GRXCR1: variants seen among roughly 807,000 people sequenced by gnomAD.
GRXCR1 encodes the protein glutaredoxin and cysteine rich domain containing 1.
A neutral mutation model predicts 27.3 loss-of-function variants in GRXCR1; 27 were observed. The ratio of observed to expected loss-of-function variants is 0.99; its 90% CI spans 0.73 to 1.37. The LOEUF (loss-of-function observed/expected upper bound fraction) is 1.37. Ranked by LOEUF, GRXCR1 falls within the 40% of genes most tolerant of loss-of-function variation. The pLI is 0.00. For synonymous variants in GRXCR1, 122 were observed against 131.1 expected (o/e 0.93, Z 0.47); for missense variants, 379 against 354.4 (o/e 1.07, Z -0.56).
intron 2 of GRXCR1, among the ~76,000 whole-genome samples, chr4:42,975,563 T>C (rs969249738): frequency 5.9e-5 from 9 of 152,244 alleles, no homozygotes; most frequent in African/African-American, 1.7e-4. Context: ...TCTTCCAGCA[T>C]ATGTAATTAT....
At chr4:42,966,818 C>G (rs1429229829) in intron 2 of GRXCR1, among the ~76,000 whole-genome samples, 1 of 152,010 alleles carries the variant, frequency 6.6e-6, no homozygotes, top group East Asian at 1.9e-4. Flanking sequence ...TTTTAATATG[C>G]TTATTGGTCA....
At chr4:42,953,645 G>A (rs1281678785) in intron 1 of GRXCR1, among the ~76,000 whole-genome samples, 1 of 152,086 alleles carries the variant, frequency 6.6e-6, no homozygotes, top group Non-Finnish European at 1.5e-5. Flanking sequence ...TTTTAGAAAA[G>A]AGCAATTTAC....
At position 42,934,418 on chromosome 4, in the gene GRXCR1, CAG is replaced by C. The variant is rs1017646793; in HGVS notation, c.385-28471_385-28470del. ...CCTCTGCACCACACACACACACTCA[CAG>C]AGTTTCTCTCTCTTCTTTTATGCTT... On this transcript the variant is annotated intron_variant, in intron 1 of 3. Coordinates refer to ENST00000399770, the MANE Select transcript of GRXCR1 (RefSeq NM_001080476.3). Among the ~76,000 whole-genome samples, 13 of 151,882 alleles carry C rather than the reference CAG, an allele frequency of 8.6e-5. No homozygotes were observed. In the South Asian group the frequency reaches 2.3e-3, roughly 27 times the overall value.
intron 1 of GRXCR1, among the ~76,000 whole-genome samples, chr4:42,933,900 T>G (rs910751087): frequency 5.9e-5 from 9 of 151,778 alleles, no homozygotes; most frequent in African/African-American, 1.9e-4. Context: ...GCTGATGTTC[T>G]GAAGATGGAC....
At chr4:42,932,609 TATATATATATAGAGAG>T (rs1418358896) in intron 1 of GRXCR1, among the ~76,000 whole-genome samples, 42 of 51,156 alleles carry the variant, frequency 8.2e-4, no homozygotes, top group East Asian at 1.7e-3. Context: ...TATATATATA[TATATATATATAGAGAG>T]AGAGAGAGAG....
At chr4:43,007,850 A>G (rs556016854) in intron 2 of GRXCR1, among the ~76,000 whole-genome samples, 1 of 152,360 alleles carries the variant, frequency 6.6e-6, no homozygotes, top group East Asian at 1.9e-4. Flanking sequence ...CCTCATTCTA[A>G]TAAATGTCTT....
chr4:42,897,848 A>G (rs1219729835), intron 1 of GRXCR1, among the ~76,000 whole-genome samples: 1 of 151,802 alleles, frequency 6.6e-6, no homozygotes, highest in African/African-American at 2.4e-5. Context: ...TTTGCATTTT[A>G]CACAGGGATT....
intron 1 of GRXCR1, among the ~76,000 whole-genome samples, chr4:42,930,705 A>G (rs1357822844): frequency 1.3e-5 from 2 of 152,024 alleles, no homozygotes; most frequent in Admixed American, 1.3e-4. Context: ...ACCACAGATA[A>G]GTGAATTATT....
At chr4:43,004,438 A>G (rs1159652537) in intron 2 of GRXCR1, among the ~76,000 whole-genome samples, 1 of 152,182 alleles carries the variant, frequency 6.6e-6, no homozygotes, top group Non-Finnish European at 1.5e-5. Context: ...GTAGAAGGCC[A>G]CCATCTTCCA....
At chr4:42,963,392 T>C (rs1170417406) in intron 2 of GRXCR1, among the ~76,000 whole-genome samples, 1 of 152,000 alleles carries the variant, frequency 6.6e-6, no homozygotes, top group East Asian at 1.9e-4. Context: ...AAATATTCAG[T>C]TAACTTCAGT....
intron 1 of GRXCR1, among the ~76,000 whole-genome samples, chr4:42,940,512 G>A (rs976786399): frequency 6.6e-6 from 1 of 151,964 alleles, no homozygotes; most frequent in Admixed American, 6.6e-5. Flanking sequence ...AACAAAAAAT[G>A]CAAATTATTA....
chr4:42,948,470 C>T (rs1747799514), intron 1 of GRXCR1, among the ~76,000 whole-genome samples: 1 of 152,018 alleles, frequency 6.6e-6, no homozygotes, highest in African/African-American at 2.4e-5. Flanking sequence ...TTAGAATTAC[C>T]ATCAGATTGT....
chr4:43,018,303 G>A (rs1031096873), intron 2 of GRXCR1, among the ~76,000 whole-genome samples: 1 of 152,116 alleles, frequency 6.6e-6, no homozygotes, highest in Non-Finnish European at 1.5e-5. Context: ...GAGGGAAGTA[G>A]GTATTCAGCT....
intron 2 of GRXCR1, among the ~76,000 whole-genome samples, chr4:43,012,380 A>G (rs1181030643): frequency 1.3e-5 from 2 of 152,180 alleles, no homozygotes; most frequent in African/African-American, 2.4e-5. Flanking sequence ...ATTAAGCCCA[A>G]CTACTCCATT....
intron 1 of GRXCR1, among the ~76,000 whole-genome samples, chr4:42,921,634 A>C (rs936530687): frequency 6.6e-6 from 1 of 152,040 alleles, no homozygotes; most frequent in African/African-American, 2.4e-5. Context: ...GTGAGATTTA[A>C]AAAATGGATG....
intron 3 of GRXCR1, among the ~76,000 whole-genome samples, chr4:43,028,562 T>C (rs895942332): frequency 4.6e-5 from 7 of 152,194 alleles, no homozygotes; most frequent in African/African-American, 1.7e-4. Flanking sequence ...TTTTAGCATA[T>C]TTAATGTCAT....
intron 1 of GRXCR1, among the ~76,000 whole-genome samples, chr4:42,920,228 G>A (rs1167768578): frequency 6.6e-6 from 1 of 152,116 alleles, no homozygotes; most frequent in Non-Finnish European, 1.5e-5. Flanking sequence ...TGAAGGAAGA[G>A]GGATGAGCAG....
At chr4:42,974,802 T>TTCC (rs2109781404) in intron 2 of GRXCR1, among the ~76,000 whole-genome samples, 1 of 152,246 alleles carries the variant, frequency 6.6e-6, no homozygotes, top group East Asian at 1.9e-4. Flanking sequence ...CACATTAGTG[T>TTCC]TCCTGTCCAT....
At chr4:43,022,307 T>G (rs931488447) in intron 3 of GRXCR1, among the ~76,000 whole-genome samples, 1 of 152,196 alleles carries the variant, frequency 6.6e-6, no homozygotes, top group Non-Finnish European at 1.5e-5. Context: ...CTTTTCTTTG[T>G]ACAGATTGAT....
Sources: gnomAD v4.1 joint callset for allele counts (sites outside exome capture counted in the v4.1 genomes callset) on GRCh38, gnomAD v4.1.1 for gene constraint, MANE v1.5 for transcripts, NCBI Gene and HGNC (gene_info 2026-07-23, HGNC 2026-07-21) for gene names.